The following LDB2 variants were observed in gnomAD, a reference collection of about 807,000 sequenced individuals.
LDB2 encodes LIM domain-binding protein 2.
In LDB2, 12 loss-of-function variants were observed where a neutral mutation model predicts 44.3. The observed-to-expected ratio is 0.27, with a 90% CI of 0.17 to 0.44. LDB2 has a LOEUF of 0.44. LDB2 is among the 20% of genes least tolerant of loss of function. LDB2 has a pLI of 1.00. For missense variants in LDB2, 344 were observed against 473.5 expected (o/e 0.73, Z 2.54); for synonymous variants, 164 against 174.8 (o/e 0.94, Z 0.49).
intron 2 of LDB2, among the ~76,000 whole-genome samples, chr4:16,669,528 T>C (rs983149165): frequency 1.3e-5 from 2 of 152,244 alleles, no homozygotes; most frequent in African/African-American, 4.8e-5. Context: ...TATCCTTTTA[T>C]ACTTAAAAAG....
intron 1 of LDB2, among the ~76,000 whole-genome samples, chr4:16,824,115 G>C (rs1009024638): frequency 6.6e-6 from 1 of 152,162 alleles, no homozygotes; most frequent in Non-Finnish European, 1.5e-5. Flanking sequence ...ACTACCATTC[G>C]CCACTTTGGG....
At chr4:16,528,647 T>C (rs754641210) in intron 5 of LDB2, among the ~76,000 whole-genome samples, 1 of 152,218 alleles carries the variant, frequency 6.6e-6, no homozygotes, top group African/African-American at 2.4e-5. Context: ...GGCCTTCAAA[T>C]TGGTAGACTT....
At chr4:16,575,660 A>G (rs911237547) in intron 5 of LDB2, among the ~76,000 whole-genome samples, 1 of 152,270 alleles carries the variant, frequency 6.6e-6, no homozygotes, top group Non-Finnish European at 1.5e-5. Flanking sequence ...GAATTTTGGA[A>G]ACTATACAAA....
At chr4:16,658,863 G>A (rs1012909209) in intron 2 of LDB2, among the ~76,000 whole-genome samples, 1 of 152,134 alleles carries the variant, frequency 6.6e-6, no homozygotes, top group South Asian at 2.1e-4. Context: ...GGCTCAGAAG[G>A]GTTAAGTAGT....
intron 1 of LDB2, among the ~76,000 whole-genome samples, chr4:16,826,716 A>G (rs1783121935): frequency 6.6e-6 from 1 of 152,136 alleles, no homozygotes; most frequent in South Asian, 2.1e-4. Context: ...TTCTAAGCCC[A>G]TTTATGATTT....
At chr4:16,592,461 CATACATATATATAT>C (rs1719364364) in intron 3 of LDB2, among the ~76,000 whole-genome samples, 3 of 66,814 alleles carry the variant, frequency 4.5e-5, no homozygotes, top group South Asian at 1.1e-3. Flanking sequence ...ATGCATTATA[CATACATATATATAT>C]ATATATATAT....
At chr4:16,651,648 C>T (rs182259984) in intron 2 of LDB2, among the ~76,000 whole-genome samples, 29 of 152,010 alleles carry the variant, frequency 1.9e-4, no homozygotes, top group African/African-American at 6.0e-4. Context: ...TACCCCAAAT[C>T]ATGGTATTTA....
At chr4:16,813,280 C>T (rs1299200912) in intron 1 of LDB2, among the ~76,000 whole-genome samples, 1 of 152,106 alleles carries the variant, frequency 6.6e-6, no homozygotes, top group Non-Finnish European at 1.5e-5. Flanking sequence ...GCCACTGTGC[C>T]CAGCCTCAGT....
intron 1 of LDB2, among the ~76,000 whole-genome samples, chr4:16,784,201 TC>T (rs57481009): frequency 0.014 from 2,201 of 152,272 alleles, 64 homozygotes; most frequent in African/African-American, 0.05. Context: ...AAACAAATTC[TC>T]CTCTTCAGAG....
At chr4:16,594,401 G>A (rs1393808961) in intron 3 of LDB2, among the ~76,000 whole-genome samples, 1 of 152,144 alleles carries the variant, frequency 6.6e-6, no homozygotes, top group Admixed American at 6.5e-5. Context: ...TGTCAGCCAG[G>A]ACTTCTGCAT....
chr4:16,714,547 T>C (rs1010864065), intron 2 of LDB2, among the ~76,000 whole-genome samples: 1 of 152,190 alleles, frequency 6.6e-6, no homozygotes, highest in African/African-American at 2.4e-5. Context: ...GTCTCTTCTA[T>C]CTTTAAAGTC....
chr4:16,782,184 G>A (rs1040048667), intron 1 of LDB2, among the ~76,000 whole-genome samples: 3 of 152,086 alleles, frequency 2.0e-5, no homozygotes, highest in Admixed American at 6.6e-5. Flanking sequence ...GTACCATGAC[G>A]TGCTCATCTC....
intron 5 of LDB2, among the ~76,000 whole-genome samples, chr4:16,539,125 C>T (rs1347314563): frequency 6.6e-6 from 1 of 152,014 alleles, no homozygotes; most frequent in Non-Finnish European, 1.5e-5. Context: ...AGGGAGGTAC[C>T]CAAGCTGTCC....
At chr4:16,611,726 G>A (rs1450100446) in intron 2 of LDB2, among the ~76,000 whole-genome samples, 1 of 152,150 alleles carries the variant, frequency 6.6e-6, no homozygotes, top group Non-Finnish European at 1.5e-5. Context: ...AGTTCTTAGA[G>A]ACCTACAATG....
At chr4:16,656,772 C>G (rs901694790) in intron 2 of LDB2, among the ~76,000 whole-genome samples, 1 of 151,992 alleles carries the variant, frequency 6.6e-6, no homozygotes, top group African/African-American at 2.4e-5. Context: ...TTTCTTTGTA[C>G]TATATAACAT....
At chr4:16,779,734 T>C (rs1322683346) in intron 1 of LDB2, among the ~76,000 whole-genome samples, 1 of 152,238 alleles carries the variant, frequency 6.6e-6, no homozygotes, top group East Asian at 1.9e-4. Context: ...CCCTTCCCCA[T>C]GGTCAGTTCA....
intron 2 of LDB2, among the ~76,000 whole-genome samples, chr4:16,738,206 G>A (rs1034820865): frequency 6.6e-5 from 10 of 152,144 alleles, no homozygotes; most frequent in Non-Finnish European, 1.0e-4. Flanking sequence ...AAAATGGGAC[G>A]TCTCAAGTAG....
intron 1 of LDB2, among the ~76,000 whole-genome samples, chr4:16,867,229 A>C (rs1395110670): frequency 6.6e-6 from 1 of 152,232 alleles, no homozygotes; most frequent in Non-Finnish European, 1.5e-5. Flanking sequence ...TGAGGGAAGA[A>C]GAGATGAGCT....
intron 2 of LDB2, among the ~76,000 whole-genome samples, chr4:16,662,674 A>G (rs1358833668): frequency 1.3e-5 from 2 of 152,030 alleles, no homozygotes; most frequent in Admixed American, 6.6e-5. Flanking sequence ...CATGATAGTG[A>G]ATAAGTCTCA....
Sources: gnomAD v4.1 joint callset for allele counts (sites outside exome capture counted in the v4.1 genomes callset) on GRCh38, gnomAD v4.1.1 for gene constraint, MANE v1.5 for transcripts, NCBI Gene and HGNC (gene_info 2026-07-23, HGNC 2026-07-21) for gene names.